The following RSRP1 variants were observed in gnomAD, a reference collection of about 807,000 sequenced individuals.
RSRP1 encodes the protein arginine and serine rich protein 1, also known as arginine/serine-rich protein 1.
A neutral mutation model predicts 33.0 loss-of-function variants in RSRP1; 37 were observed. The ratio of observed to expected loss-of-function variants is 1.12; its 90% CI spans 0.86 to 1.48. The LOEUF is 1.48. Ranked by LOEUF, RSRP1 falls within the 40% of genes most tolerant of loss-of-function variation. The pLI is 0.00. For synonymous variants in RSRP1, 167 were observed against 158.7 expected, an observed-to-expected ratio of 1.05 and a Z score of -0.40; for missense variants, 402 against 385.3, an observed-to-expected ratio of 1.04 and a Z score of -0.36.
At chr1:25,280,702 T>C (rs1344308619) in intron 1 of RSRP1, among the ~76,000 whole-genome samples, 4 of 125,382 alleles carry the variant, frequency 3.2e-5, no homozygotes, top group Non-Finnish European at 7.5e-5. Context: ...GCCTTAACCT[T>C]CTAGGCACAA....
intron 1 of RSRP1, among the ~76,000 whole-genome samples, chr1:25,263,218 G>C (rs1285394399): frequency 6.6e-6 from 1 of 152,046 alleles, no homozygotes; most frequent in African/African-American, 2.4e-5. Context: ...GGGCCAGGGA[G>C]AGACGGATAA....
intron 1 of RSRP1, among the ~76,000 whole-genome samples, chr1:25,258,644 T>G (rs1640023157): frequency 6.6e-6 from 1 of 152,180 alleles, no homozygotes; most frequent in African/African-American, 2.4e-5. Flanking sequence ...AACCAAAAAT[T>G]TTTATCTACT....
At chr1:25,312,810 C>CTCAG (rs1644216566) in intron 1 of RSRP1, among the ~76,000 whole-genome samples, 1 of 117,826 alleles carries the variant, frequency 8.5e-6, no homozygotes, top group Non-Finnish European at 2.0e-5. Context: ...GTCCTAGCTA[C>CTCAG]TCAGGAGGCT....
In RSRP1 at chr1:25,269,019, G is replaced by C. The variant is rs1379589188; in HGVS notation, c.-66-21990C>G. Among the ~76,000 whole-genome samples the C allele has an allele frequency of 1.5e-5, 2 of 130,490 alleles. 1 individual carries two copies. The highest frequency in any genetic ancestry group is 3.6e-5 in the Non-Finnish European group (2 of 55,226). The allele number at this position is 130,490 out of a possible 152,430, so 85.6% of individuals were successfully genotyped here. On this transcript the variant is annotated intron_variant, in intron 1 of 1. Transcript: ENST00000561867. Reference sequence around the variant, plus strand: ...AAGGGGATGGTGGAGGATCCAGGGAGGTGAGGTGGGGAGCAAGCCAGTACA... The same window carrying C: ...AAGGGGATGGTGGAGGATCCAGGGACGTGAGGTGGGGAGCAAGCCAGTACA...
At chr1:25,275,707 T>A (rs1640906125) in intron 1 of RSRP1, among the ~76,000 whole-genome samples, 1 of 133,384 alleles carries the variant, frequency 7.5e-6, no homozygotes, top group Non-Finnish European at 1.8e-5. Context: ...TTACTAATCA[T>A]AATGGTGTCA....
chr1:25,246,355 T>C lies in RSRP1; in HGVS notation c.520+89A>G, dbSNP rs557112252. The C allele has an allele frequency of 6.1e-5, 93 of 1,531,578 alleles. 1 individual carries two copies. In the African/African-American group the frequency reaches 1.2e-3, roughly 19 times the overall value. 94.9% of individuals were successfully genotyped at this position (1,531,578 alleles called of 1,614,324 possible). On this transcript the variant is annotated intron_variant, in intron 2 of 4. Transcript: ENST00000243189. ...TTTCGGGCACTAAAGGAACTAATAT[T>C]GAAACTACACAGCAACGTTGGTTCC...
chr1:25,318,842 A>G (rs1443336925), intron 1 of RSRP1, among the ~76,000 whole-genome samples: 2 of 132,522 alleles, frequency 1.5e-5, no homozygotes, highest in East Asian at 3.9e-4. Flanking sequence ...CAGCTTTAAC[A>G]AACTGTATGG....
rs1202823069 is a variant in RSRP1, at chr1:25,299,469, C to T, written c.-67+38509G>A. 4.6e-5 allele frequency among the ~76,000 whole-genome samples: 6 copies of T among 131,434 alleles called. 1 individual carries two copies. The highest frequency in any genetic ancestry group is 1.6e-4 in the African/African-American group (6 of 38,156). 86.2% of individuals were successfully genotyped at this position (131,434 alleles called of 152,430 possible). A position where few individuals can be genotyped will look rare whatever the true frequency, so the allele number is the denominator to read the frequency against. Reference sequence around the variant, plus strand: ...TCTTAGACACCCTCTACAGACAAGGCACCCCGATTGCTTGCACCCAGGGTG... The same window carrying T: ...TCTTAGACACCCTCTACAGACAAGGTACCCCGATTGCTTGCACCCAGGGTG... On this transcript the variant is annotated intron_variant, in intron 1 of 1. Coordinates refer to the RSRP1 transcript ENST00000561867.
chr1:25,259,420 G>A (rs1224154600), intron 1 of RSRP1, among the ~76,000 whole-genome samples: 4 of 151,894 alleles, frequency 2.6e-5, no homozygotes, highest in Non-Finnish European at 5.9e-5. Context: ...AGTTAACAGT[G>A]TGCTCATAGA....
At chr1:25,286,144 C>T (rs1641966334) in intron 1 of RSRP1, among the ~76,000 whole-genome samples, 1 of 135,136 alleles carries the variant, frequency 7.4e-6, no homozygotes, top group East Asian at 1.9e-4. Flanking sequence ...ACAGTCTAGC[C>T]AGCTCCCGAT....
intron 2 of RSRP1, 38 bp downstream of exon 2, chr1:25,246,406 T>C (rs748006611): frequency 2.5e-6 from 4 of 1,599,922 alleles, no homozygotes; most frequent in Non-Finnish European, 3.4e-6. Context: ...ACTGCCACCA[T>C]ACATTACCAC....
At chr1:25,303,353 G>C in intron 1 of RSRP1, 1 of 1,372,236 alleles carries the variant, frequency 7.3e-7, no homozygotes. Flanking sequence ...TTGGCAGGAG[G>C]CGTGGCTGTG....
intron 1 of RSRP1, among the ~76,000 whole-genome samples, chr1:25,260,583 G>A (rs554495667): frequency 1.1e-4 from 17 of 152,114 alleles, no homozygotes; most frequent in African/African-American, 3.6e-4. Flanking sequence ...TGTATTAGTC[G>A]GCTTGGGCTA....
chr1:25,242,462 TC>T lies in RSRP1; in HGVS notation c.*126del, dbSNP rs1294644478. 8 of 626,558 alleles carry T rather than the reference TC, an allele frequency of 1.3e-5. No individual in the cohort carries two copies. The highest frequency in any genetic ancestry group is 2.3e-5 in the Non-Finnish European group (8 of 351,288). 38.8% of individuals were successfully genotyped at this position (626,558 alleles called of 1,614,324 possible). ...AATATTTGAGTGTTAAGTATTTACA[TC>T]TTTTTGTGTTGGTTTTTAAATGCAC... On this transcript the variant is annotated 3_prime_UTR_variant, in exon 5 of 5. Coordinates refer to ENST00000243189, the MANE Select transcript of RSRP1 (RefSeq NM_020317.5).
rs777112373 is a variant in RSRP1 at position 25,285,425 on chromosome 1, C to T, written c.-66-38396G>A. 9.6e-5 allele frequency among the ~76,000 whole-genome samples: 13 copies of T among 134,956 alleles called. 1 individual carries two copies. The highest frequency in any genetic ancestry group is 2.8e-4 in the African/African-American group (11 of 39,060). 88.5% of individuals were successfully genotyped at this position (134,956 alleles called of 152,430 possible). A position where few individuals can be genotyped will look rare whatever the true frequency, so the allele number is the denominator to read the frequency against. ...CTGGGATTACAGACATGAGCCACCGCGTCCAGCCTGAGAGACATTCTCTTG... is the reference window on the plus strand; with the variant it reads ...CTGGGATTACAGACATGAGCCACCGTGTCCAGCCTGAGAGACATTCTCTTG... On this transcript the variant is annotated intron_variant, in intron 1 of 1. Coordinates refer to the RSRP1 transcript ENST00000561867.
intron 1 of RSRP1, among the ~76,000 whole-genome samples, chr1:25,262,376 C>G (rs1262622945): frequency 2.0e-5 from 3 of 152,056 alleles, no homozygotes; most frequent in African/African-American, 7.3e-5. Context: ...AACTTGTATT[C>G]TAATGGAAGA....
chr1:25,264,540 A>G (rs1640263178), intron 1 of RSRP1, among the ~76,000 whole-genome samples: 1 of 150,746 alleles, frequency 6.6e-6, no homozygotes, highest in Non-Finnish European at 1.5e-5. Flanking sequence ...TGCACACAGC[A>G]TGAGGACCCC....
At chr1:25,253,631 A>T (rs1639859431) in intron 1 of RSRP1, 1 of 152,282 alleles carries the variant, frequency 6.6e-6, no homozygotes, top group Non-Finnish European at 1.5e-5. Flanking sequence ...AAGTGCTGGG[A>T]TTACAGGTGT....
chr1:25,242,513 G>A lies in RSRP1; in HGVS notation c.*76C>T. 1 of 887,186 alleles carries A rather than the reference G, an allele frequency of 1.1e-6. No individual in the cohort carries two copies. The highest frequency in any genetic ancestry group is 1.5e-5 in the South Asian group (1 of 65,152). 55.0% of individuals were successfully genotyped at this position (887,186 alleles called of 1,614,324 possible). On this transcript the variant is annotated 3_prime_UTR_variant, in exon 5 of 5. Transcript: ENST00000243189. ...CAAGTACCCCTGAATGGCTCAAAGG[G>A]ATGGGATAATGCTAGAAACACTAAC...
Sources: allele counts gnomAD v4.1 joint callset (sites outside exome capture counted in the v4.1 genomes callset), GRCh38; gene constraint gnomAD v4.1.1; transcripts MANE v1.5; gene names NCBI Gene and HGNC (gene_info 2026-07-23, HGNC 2026-07-21).